The following TRAPPC12 variants were observed in gnomAD, a reference collection of about 807,000 sequenced individuals.
TRAPPC12 encodes the protein TPR repeat protein 15.
Under a neutral mutation model 69.2 loss-of-function variants are expected in TRAPPC12, and 61 were observed. That is an observed-to-expected ratio of 0.88 (90% CI 0.72 to 1.09). The LOEUF is 1.09. TRAPPC12 is among the 50% of genes least tolerant of loss of function. The probability of loss-of-function intolerance (pLI) is 0.00; values close to 1 mark genes in which losing one functional copy is unlikely to be tolerated. For synonymous variants in TRAPPC12, 469 were observed against 438.9 expected (o/e 1.07, Z -0.86); for missense variants, 1,101 against 1,016.4 (o/e 1.08, Z -1.13).
At chr2:3,419,395 G>C (rs935288484) in intron 3 of TRAPPC12, among the ~76,000 whole-genome samples, 8 of 152,210 alleles carry the variant, frequency 5.3e-5, no homozygotes, top group Non-Finnish European at 8.8e-5. Flanking sequence ...ATTTAGACTA[G>C]AGAAGGCATT....
chr2:3,420,950 T>C (rs1021326085), intron 3 of TRAPPC12, among the ~76,000 whole-genome samples: 4 of 152,202 alleles, frequency 2.6e-5, no homozygotes, highest in Non-Finnish European at 5.9e-5. Context: ...GAGAAACATA[T>C]TGTTTAATTG....
chr2:3,433,884 CT>C (rs796784425), intron 5 of TRAPPC12, among the ~76,000 whole-genome samples: 4 of 151,386 alleles, frequency 2.6e-5, no homozygotes, highest in Non-Finnish European at 5.9e-5. Flanking sequence ...CTAGCTTCTC[CT>C]TTTTTTTTCC....
In TRAPPC12 at chr2:3,388,580, C is replaced by T. The variant is rs1160872508; in HGVS notation, c.957C>T (p.Val319=). 3.1e-6 allele frequency: 5 copies of T among 1,611,488 alleles called. No homozygotes were observed. In the Admixed American group the frequency reaches 5.0e-5, roughly 16 times the overall value. Reference sequence around the variant, plus strand: ...TTCCCGGCGAGGCTACGCGTGGAGTCCTGCGGGCCGTGGCCACCCAGCAGC... The same window carrying T: ...TTCCCGGCGAGGCTACGCGTGGAGTTCTGCGGGCCGTGGCCACCCAGCAGC... ...AWLPGEATRG[V]LRAVATQQRG... is the part of the protein sequence containing the mutation. The change falls in exon 2 of 12, where the codon GTC becomes GTT. Residue 319 remains valine (V), a synonymous_variant. Transcript: ENST00000324266.
chr2:3,443,975 T>C, intron 6 of TRAPPC12, 84 bp downstream of exon 6: 1 of 973,334 alleles, frequency 1.0e-6, no homozygotes, highest in Non-Finnish European at 1.6e-6. Context: ...TGCTGTTCCC[T>C]GCCCGTCCTG....
chr2:3,464,641 C>T (rs907841133), intron 8 of TRAPPC12, among the ~76,000 whole-genome samples: 5 of 152,248 alleles, frequency 3.3e-5, no homozygotes, highest in Non-Finnish European at 5.9e-5. Context: ...GCACACAGCT[C>T]GCTCAATAAA....
chr2:3,444,616 G>A (rs1664411316), intron 6 of TRAPPC12, among the ~76,000 whole-genome samples: 1 of 152,202 alleles, frequency 6.6e-6, no homozygotes, highest in Non-Finnish European at 1.5e-5. Context: ...ACAACAACAA[G>A]CAGTTATTAG....
intron 9 of TRAPPC12, among the ~76,000 whole-genome samples, chr2:3,475,739 TG>T (rs1256938401): frequency 6.6e-5 from 10 of 152,280 alleles, no homozygotes; most frequent in African/African-American, 2.4e-4. Flanking sequence ...GCCTGGGTGT[TG>T]ACCACAGTGT....
At chr2:3,445,859 C>T (rs1664480239) in intron 6 of TRAPPC12, among the ~76,000 whole-genome samples, 1 of 152,266 alleles carries the variant, frequency 6.6e-6, no homozygotes, top group Admixed American at 6.5e-5. Context: ...CTGACATCTG[C>T]TCAGAAGACC....
At chr2:3,455,651 G>A (rs1188577487) in intron 6 of TRAPPC12, 1 of 152,198 alleles carries the variant, frequency 6.6e-6, no homozygotes, top group East Asian at 1.9e-4. Context: ...GTGACCTCCA[G>A]TTCCATCCAT....
chr2:3,419,726 G>T (rs1006961058), intron 3 of TRAPPC12, among the ~76,000 whole-genome samples: 2 of 152,178 alleles, frequency 1.3e-5, no homozygotes, highest in African/African-American at 4.8e-5. Flanking sequence ...CTCGCTGGTG[G>T]GTGCCGTGGA....
chr2:3,432,736 CT>C (rs1187828893), intron 5 of TRAPPC12, among the ~76,000 whole-genome samples: 1 of 152,174 alleles, frequency 6.6e-6, no homozygotes, highest in African/African-American at 2.4e-5. Context: ...CATTTTCAGT[CT>C]TTTCTTAGAA....
chr2:3,384,995 T>C (rs1431226205), intron 1 of TRAPPC12, among the ~76,000 whole-genome samples: 1 of 152,198 alleles, frequency 6.6e-6, no homozygotes, highest in Non-Finnish European at 1.5e-5. Flanking sequence ...GAACCTTACA[T>C]TGGAATAAGA....
intron 8 of TRAPPC12, among the ~76,000 whole-genome samples, chr2:3,463,695 G>A (rs976422608): frequency 9.9e-5 from 15 of 151,800 alleles, no homozygotes; most frequent in South Asian, 4.2e-4. Flanking sequence ...CCCACCCTGC[G>A]CTCTCTGTGG....
intron 6 of TRAPPC12, 110 bp downstream of exon 6, chr2:3,444,001 C>T: frequency 1.3e-6 from 1 of 752,468 alleles, no homozygotes. Context: ...TGCACCATCG[C>T]TGCTTCTGCC....
chr2:3,398,864 C>A (rs943935099), intron 2 of TRAPPC12, among the ~76,000 whole-genome samples: 3 of 152,242 alleles, frequency 2.0e-5, no homozygotes, highest in Admixed American at 1.3e-4. Flanking sequence ...AGTAGACCCT[C>A]ACTGAATGGC....
chr2:3,453,743 A>G (rs560380933), intron 6 of TRAPPC12, among the ~76,000 whole-genome samples: 11 of 152,342 alleles, frequency 7.2e-5, no homozygotes, highest in Admixed American at 6.5e-4. Flanking sequence ...CAGCCGCACC[A>G]CATTTGCAAA....
intron 2 of TRAPPC12, among the ~76,000 whole-genome samples, chr2:3,397,278 C>G (rs1325274344): frequency 6.6e-6 from 1 of 152,222 alleles, no homozygotes; most frequent in Non-Finnish European, 1.5e-5. Flanking sequence ...AGAGCAGTAG[C>G]TTCTACTTTT....
In TRAPPC12 at chr2:3,387,774, G is replaced by GCAT. The variant is rs1558337927; in HGVS notation, c.153_155dup (p.Ser52dup). The GCAT allele has an allele frequency of 6.2e-7, 1 of 1,612,824 alleles. No individual in the cohort carries two copies. Among genetic ancestry groups the GCAT allele is most frequent in the East Asian group, 2.2e-5 (1 of 44,804 alleles). Reference sequence around the variant, plus strand: ...GTTTGGATCCGAAGAGAACGAGACCGCATCGGAAGGCTCGAGTCCTCTCGC... The same window carrying GCAT: ...GTTTGGATCCGAAGAGAACGAGACCGCATCATCGGAAGGCTCGAGTCCTCTCGC... On this transcript the variant is annotated inframe_insertion, in exon 2 of 12. Transcript: ENST00000324266.
rs146872359 is a variant in TRAPPC12, at chr2:3,388,060, G to T, written c.437G>T (p.Arg146Leu). Residue 146 changes from arginine (R) to leucine (L), a missense_variant, in exon 2 of 12, where the codon CGC becomes CTC. By Grantham distance (102) the Arg-to-Leu change is moderately radical. Coordinates refer to ENST00000324266, the MANE Select transcript of TRAPPC12 (RefSeq NM_016030.6). ...GAGGTCCCAGGCAGCGAAGCCGCGC[G>T]CCCGGAGCAGGAGCCTCCCGTTGCG... ...AREVPGSEAA[R>L]PEQEPPVAEP... 8.6e-6 allele frequency: 13 copies of T among 1,514,186 alleles called. No individual in the cohort carries two copies. The highest frequency in any genetic ancestry group is 1.2e-5 in the South Asian group (1 of 82,194). The allele number at this position is 1,514,186 out of a possible 1,614,324, so 93.8% of individuals were successfully genotyped here.
Sources: allele counts gnomAD v4.1 joint callset (sites outside exome capture counted in the v4.1 genomes callset), GRCh38; gene constraint gnomAD v4.1.1; transcripts MANE v1.5; gene names NCBI Gene and HGNC (gene_info 2026-07-23, HGNC 2026-07-21).